Variants in GPM6A observed in about 807,000 individuals in gnomAD.
GPM6A encodes glycoprotein M6A, also known as neuronal membrane glycoprotein M6-a.
Under a neutral mutation model 32.1 loss-of-function variants are expected in GPM6A, and 7 were observed. The observed-to-expected ratio is 0.22, with a 90% CI of 0.12 to 0.41. GPM6A has a LOEUF of 0.41. Ranked by LOEUF, GPM6A falls within the 10% of genes least tolerant of loss-of-function variation. The pLI is 1.00. For missense variants in GPM6A, 235 were observed against 347.2 expected, an observed-to-expected ratio of 0.68 and a Z score of 2.57; for synonymous variants, 130 against 123.4, an observed-to-expected ratio of 1.05 and a Z score of -0.35.
upstream of GPM6A, chr4:175,812,546 G>T: frequency 9.4e-7 from 1 of 1,063,328 alleles, no homozygotes; most frequent in Non-Finnish European, 1.1e-6. Flanking sequence ...TGAGAATTTT[G>T]GGGGGAAATT....
chr4:175,873,828 G>A (rs928420688), intron 1 of GPM6A, among the ~76,000 whole-genome samples: 1 of 152,126 alleles, frequency 6.6e-6, no homozygotes. Flanking sequence ...AATAATTGTG[G>A]TTACAGTCAT....
intron 1 of GPM6A, among the ~76,000 whole-genome samples, chr4:175,705,400 A>T (rs959602991): frequency 6.6e-6 from 1 of 152,242 alleles, no homozygotes; most frequent in Non-Finnish European, 1.5e-5. Flanking sequence ...TCAAAGGAAG[A>T]AACCTTAAGT....
At chr4:175,786,789 T>G (rs1268273614) in intron 1 of GPM6A, 2 of 153,560 alleles carry the variant, frequency 1.3e-5, no homozygotes, top group African/African-American at 4.8e-5. Flanking sequence ...TAATCCATTC[T>G]GCACAAAACC....
At chr4:175,716,223 A>G (rs1745834869) in intron 1 of GPM6A, among the ~76,000 whole-genome samples, 2 of 152,202 alleles carry the variant, frequency 1.3e-5, no homozygotes, top group Admixed American at 1.3e-4. Context: ...AGTGGTCATT[A>G]GCTTCAAACC....
At chr4:175,677,197 A>C (rs1743418641) in intron 2 of GPM6A, among the ~76,000 whole-genome samples, 1 of 152,204 alleles carries the variant, frequency 6.6e-6, no homozygotes, top group Non-Finnish European at 1.5e-5. Flanking sequence ...AATGAATATT[A>C]TATAATGTGT....
chr4:175,746,881 A>T (rs1306864426), intron 1 of GPM6A, among the ~76,000 whole-genome samples: 1 of 152,156 alleles, frequency 6.6e-6, no homozygotes, highest in East Asian at 1.9e-4. Flanking sequence ...TTGTGTGATG[A>T]TTAGCAAGTA....
chr4:175,799,800 C>A (rs11133114), intron 1 of GPM6A, among the ~76,000 whole-genome samples: 5 of 145,286 alleles, frequency 3.4e-5, no homozygotes, highest in Admixed American at 7.0e-5. Context: ...TCAGCCTCCC[C>A]AGTAGCTGGG....
At chr4:175,684,559 C>T (rs752695721) in intron 2 of GPM6A, among the ~76,000 whole-genome samples, 52 of 152,036 alleles carry the variant, frequency 3.4e-4, no homozygotes, top group Non-Finnish European at 6.2e-4. Flanking sequence ...TCAATTTTAT[C>T]TAAAAGATAA....
intron 1 of GPM6A, among the ~76,000 whole-genome samples, chr4:175,901,256 G>A (rs1425936091): frequency 1.3e-5 from 2 of 152,098 alleles, no homozygotes; most frequent in African/African-American, 4.8e-5. Context: ...ATAGTCAATA[G>A]TAATTTAATT....
chr4:175,968,159 A>G (rs1740386676), intron 1 of GPM6A, among the ~76,000 whole-genome samples: 2 of 147,048 alleles, frequency 1.4e-5, no homozygotes, highest in South Asian at 4.4e-4. Context: ...AGCAAAAGCA[A>G]CTCAATGAAA....
chr4:175,931,163 A>C (rs1329369716), intron 1 of GPM6A, among the ~76,000 whole-genome samples: 1 of 152,160 alleles, frequency 6.6e-6, no homozygotes, highest in African/African-American at 2.4e-5. Context: ...CTTATTTCTC[A>C]TATCTCAATC....
intron 3 of GPM6A, among the ~76,000 whole-genome samples, chr4:175,652,526 T>A (rs1273699855): frequency 6.6e-6 from 1 of 151,972 alleles, no homozygotes; most frequent in African/African-American, 2.4e-5. Flanking sequence ...AACTTAAGTC[T>A]GTTTTGTTTT....
At chr4:175,831,234 A>G (rs966454387) in intron 1 of GPM6A, among the ~76,000 whole-genome samples, 1 of 152,208 alleles carries the variant, frequency 6.6e-6, no homozygotes, top group African/African-American at 2.4e-5. Flanking sequence ...AAGAATTTGA[A>G]TCTAATAGAT....
intron 2 of GPM6A, among the ~76,000 whole-genome samples, chr4:175,682,908 G>A (rs1743767413): frequency 1.3e-5 from 2 of 152,194 alleles, no homozygotes; most frequent in South Asian, 4.1e-4. Context: ...ATGCCAAGCA[G>A]AAAAAGAGTT....
chr4:175,699,167 T>C (rs940589023), intron 2 of GPM6A, among the ~76,000 whole-genome samples: 1 of 152,152 alleles, frequency 6.6e-6, no homozygotes, highest in Admixed American at 6.6e-5. Context: ...CTGAGATAAA[T>C]CTAGAAAATG....
At chr4:175,936,813 A>G (rs1192867622) in intron 1 of GPM6A, among the ~76,000 whole-genome samples, 1 of 152,142 alleles carries the variant, frequency 6.6e-6, no homozygotes, top group Non-Finnish European at 1.5e-5. Flanking sequence ...GTTCATATCC[A>G]TAATATATTT....
At chr4:175,730,140 AG>A (rs2111138410) in intron 1 of GPM6A, among the ~76,000 whole-genome samples, 1 of 152,190 alleles carries the variant, frequency 6.6e-6, no homozygotes, top group Admixed American at 6.5e-5. Context: ...CCCTTCTGGC[AG>A]CTTAAGTATA....
At chr4:175,675,334 A>C (rs1743305148) in intron 2 of GPM6A, among the ~76,000 whole-genome samples, 2 of 151,788 alleles carry the variant, frequency 1.3e-5, no homozygotes, top group South Asian at 2.1e-4. Flanking sequence ...TTAAATGCAG[A>C]TGTGGCAATA....
At chr4:175,852,586 G>C (rs1321733706) in intron 1 of GPM6A, among the ~76,000 whole-genome samples, 2 of 152,090 alleles carry the variant, frequency 1.3e-5, no homozygotes, top group African/African-American at 4.8e-5. Flanking sequence ...GGCTCTTAGA[G>C]CTTATATTAG....
Sources: allele counts gnomAD v4.1 joint callset (sites outside exome capture counted in the v4.1 genomes callset), GRCh38; gene constraint gnomAD v4.1.1; transcripts MANE v1.5; gene names NCBI Gene and HGNC (gene_info 2026-07-23, HGNC 2026-07-21).